The following ZMYND11 variants were observed in gnomAD, a reference collection of about 807,000 sequenced individuals.
The protein encoded by ZMYND11 is zinc finger MYND domain-containing protein 11.
Under a neutral mutation model 84.9 loss-of-function variants are expected in ZMYND11, and 9 were observed. The observed-to-expected ratio is 0.11, with a 90% CI of 0.06 to 0.18. ZMYND11 has a LOEUF of 0.18. Ranked by LOEUF, ZMYND11 falls within the 10% of genes least tolerant of loss-of-function variation. ZMYND11 has a pLI of 1.00. For synonymous variants in ZMYND11, 250 were observed against 244.1 expected (o/e 1.02, Z -0.23); for missense variants, 409 against 761.0 (o/e 0.54, Z 5.44).
intron 2 of ZMYND11, among the ~76,000 whole-genome samples, chr10:207,059 A>G (rs1034051362): frequency 2.0e-5 from 3 of 152,162 alleles, no homozygotes; most frequent in South Asian, 2.1e-4. Flanking sequence ...TCATTGTTCA[A>G]TTCCCATCTA....
intron 1 of ZMYND11, among the ~76,000 whole-genome samples, chr10:142,614 A>G (rs1280384850): frequency 3.9e-5 from 6 of 152,118 alleles, no homozygotes; most frequent in African/African-American, 1.4e-4. Context: ...CTGCTATGCT[A>G]CTCTGTCTCC....
rs1440732180 is a variant in ZMYND11, at chr10:187,448, C to A, written c.116+7320C>A. 8.5e-5 allele frequency among the ~76,000 whole-genome samples: 13 copies of A among 152,142 alleles called. No individual in the cohort carries two copies. The East Asian group carries it at 2.5e-3, about 29-fold the overall frequency. ...AGGAGATCGAGACCATCTTGGCTAA[C>A]ACGGTGAAACCCCGTCTCTACTAAA... is the stretch of plus-strand genomic sequence containing the variant. On this transcript the variant is annotated intron_variant, in intron 2 of 14. Coordinates refer to ENST00000381604, the MANE Select transcript of ZMYND11 (RefSeq NM_001370100.5).
intron 4 of ZMYND11, among the ~76,000 whole-genome samples, chr10:224,839 C>T (rs1316733324): frequency 6.6e-6 from 1 of 152,186 alleles, no homozygotes; most frequent in Non-Finnish European, 1.5e-5. Flanking sequence ...GGTATGGAAA[C>T]ACCTGTCAAA....
chr10:215,478 T>C (rs1946029580), intron 3 of ZMYND11, among the ~76,000 whole-genome samples: 1 of 152,160 alleles, frequency 6.6e-6, no homozygotes, highest in African/African-American at 2.4e-5. Flanking sequence ...TACCGGTATG[T>C]TTTGCTGCTT....
chr10:232,723 T>C (rs2131605146), intron 4 of ZMYND11, among the ~76,000 whole-genome samples: 1 of 152,320 alleles, frequency 6.6e-6, no homozygotes, highest in Middle Eastern at 3.4e-3. Flanking sequence ...ATAATCTCCT[T>C]TGACTGTGAA....
chr10:180,166 C>T (rs201953060), intron 2 of ZMYND11, 38 bp downstream of exon 2: 181 of 1,548,222 alleles, frequency 1.2e-4, no homozygotes, highest in Middle Eastern at 1.7e-4. Flanking sequence ...TGTAAAATGT[C>T]GTAGAAGACT....
chr10:224,985 T>C (rs993721583), intron 4 of ZMYND11, among the ~76,000 whole-genome samples: 2 of 152,234 alleles, frequency 1.3e-5, no homozygotes, highest in Non-Finnish European at 2.9e-5. Flanking sequence ...TTTCCTGAAA[T>C]AGCCATGAAT....
At chr10:172,194 G>T (rs1406503349) in intron 1 of ZMYND11, among the ~76,000 whole-genome samples, 1 of 152,116 alleles carries the variant, frequency 6.6e-6, no homozygotes, top group Non-Finnish European at 1.5e-5. Flanking sequence ...TCACCTTGGG[G>T]TTTAATTTCC....
chr10:237,210 C>G (rs1270073848), intron 5 of ZMYND11, among the ~76,000 whole-genome samples: 1 of 152,134 alleles, frequency 6.6e-6, no homozygotes, highest in African/African-American at 2.4e-5. Flanking sequence ...TTGATGATGA[C>G]TCTTTAAAAT....
At chr10:207,843 A>G (rs963242878) in intron 2 of ZMYND11, among the ~76,000 whole-genome samples, 10 of 152,228 alleles carry the variant, frequency 6.6e-5, no homozygotes, top group African/African-American at 1.9e-4. Flanking sequence ...CGCCAAGTCA[A>G]TCCTAAGCCA....
At chr10:230,107 A>G (rs1322808263) in intron 4 of ZMYND11, among the ~76,000 whole-genome samples, 4 of 152,184 alleles carry the variant, frequency 2.6e-5, no homozygotes, top group Non-Finnish European at 5.9e-5. Context: ...TAAGTAATTT[A>G]TGTGTAGATT....
intron 6 of ZMYND11, 77 bp downstream of exon 6, chr10:237,754 G>C: frequency 1.7e-6 from 2 of 1,182,796 alleles, no homozygotes; most frequent in Non-Finnish European, 2.4e-6. Context: ...TAGCAGTTAA[G>C]CAGATTTTGG....
rs67915368 is a variant in ZMYND11, at chr10:139,704, C to CTTT, written c.-20+4167_-20+4169dup. Among the ~76,000 whole-genome samples, 475 of 80,200 alleles carry CTTT rather than the reference C, an allele frequency of 5.9e-3. 15 individuals carry two copies. The highest frequency in any genetic ancestry group is 0.024 in the Admixed American group (134 of 5,698). 52.6% of individuals were successfully genotyped at this position (80,200 alleles called of 152,430 possible). A position where few individuals can be genotyped will look rare whatever the true frequency, so the allele number is the denominator to read the frequency against. On this transcript the variant is annotated intron_variant, in intron 1 of 14. Coordinates refer to ENST00000381604, the MANE Select transcript of ZMYND11 (RefSeq NM_001370100.5). ...GTCCAACTTAAACTTACACATGGTCCTTTTTTTTTTTTTTTTTTTTTTTTG... is the reference window on the plus strand; with the variant it reads ...GTCCAACTTAAACTTACACATGGTCCTTTTTTTTTTTTTTTTTTTTTTTTTTTG...
chr10:243,744 A>T (rs1020140221), intron 10 of ZMYND11, among the ~76,000 whole-genome samples: 1 of 152,184 alleles, frequency 6.6e-6, no homozygotes, highest in African/African-American at 2.4e-5. Context: ...GTGTGCCTGT[A>T]GTCCCACCTA....
chr10:141,945 A>T (rs1588388231), intron 1 of ZMYND11, among the ~76,000 whole-genome samples: 1 of 152,360 alleles, frequency 6.6e-6, no homozygotes, highest in East Asian at 1.9e-4. Flanking sequence ...GGCTATTTTT[A>T]AAAATTGGGA....
chr10:239,994 G>C (rs1296305725), intron 7 of ZMYND11, 62 bp from the exon 8 acceptor site: 2 of 1,412,554 alleles, frequency 1.4e-6, no homozygotes, highest in African/African-American at 2.9e-5. Context: ...GAAAAGGATA[G>C]TAACTTTGAG....
chr10:209,355 C>T (rs1564385659), intron 2 of ZMYND11, among the ~76,000 whole-genome samples: 1 of 152,096 alleles, frequency 6.6e-6, no homozygotes, highest in Non-Finnish European at 1.5e-5. Flanking sequence ...CACGTTTTTG[C>T]CTGACTGATC....
At chr10:205,400 A>C (rs78599031) in intron 2 of ZMYND11, among the ~76,000 whole-genome samples, 3,573 of 152,018 alleles carry the variant, frequency 0.024, 139 homozygotes, top group African/African-American at 0.081. Context: ...CCTAAGAAGG[A>C]GTTCTTGGGC....
intron 10 of ZMYND11, among the ~76,000 whole-genome samples, chr10:245,784 T>C (rs542069342): frequency 5.9e-5 from 9 of 152,360 alleles, no homozygotes; most frequent in Admixed American, 1.3e-4. Flanking sequence ...CATTGCATTA[T>C]AATTATTCCT....
Sources: allele counts gnomAD v4.1 joint callset (sites outside exome capture counted in the v4.1 genomes callset), GRCh38; gene constraint gnomAD v4.1.1; transcripts MANE v1.5; gene names NCBI Gene and HGNC (gene_info 2026-07-23, HGNC 2026-07-21).